Variants in PLCB1 observed in about 807,000 individuals in gnomAD.
The protein encoded by PLCB1 is phospholipase C beta 1, also known as 1-phosphatidylinositol 4,5-bisphosphate phosphodiesterase beta-1.
PLCB1 carries 46 observed loss-of-function variants against 161.8 expected under a neutral mutation model. The ratio of observed to expected loss-of-function variants is 0.28; its 90% CI spans 0.22 to 0.36. The LOEUF (loss-of-function observed/expected upper bound fraction) is 0.36. Among genes scored for constraint, PLCB1 ranks in the 10% least tolerant of loss-of-function variants. The probability of loss-of-function intolerance (pLI) is 1.00; values close to 1 mark genes in which losing one functional copy is unlikely to be tolerated. For missense variants in PLCB1, 1,016 were observed against 1,472.5 expected (o/e 0.69, Z 5.07); for synonymous variants, 517 against 503.7 (o/e 1.03, Z -0.35).
chr20:8,784,562 C>CA (rs5840284), intron 27 of PLCB1, among the ~76,000 whole-genome samples: 57 of 137,588 alleles, frequency 4.1e-4, no homozygotes, highest in African/African-American at 1.3e-3. Context: ...CACTGTATCT[C>CA]AAAAAAAAAA....
chr20:8,595,691 G>A (rs879284505), intron 3 of PLCB1, among the ~76,000 whole-genome samples: 969 of 141,284 alleles, frequency 6.9e-3, no homozygotes, highest in Non-Finnish European at 0.011. Flanking sequence ...CTTCCACAAC[G>A]GTTGAACTAG....
At chr20:8,480,204 C>A (rs1051846154) in intron 3 of PLCB1, among the ~76,000 whole-genome samples, 30 of 152,156 alleles carry the variant, frequency 2.0e-4, no homozygotes, top group African/African-American at 7.2e-4. Context: ...GACTTGGTGC[C>A]TGAGTGGGTG....
intron 31 of PLCB1, among the ~76,000 whole-genome samples, chr20:8,820,947 A>G (rs1985318248): frequency 6.6e-6 from 1 of 152,214 alleles, no homozygotes; most frequent in South Asian, 2.1e-4. Context: ...ATTTTAGTAT[A>G]CAAATATGAT....
At chr20:8,709,602 G>A (rs2123453517) in intron 12 of PLCB1, among the ~76,000 whole-genome samples, 1 of 152,270 alleles carries the variant, frequency 6.6e-6, no homozygotes, top group Middle Eastern at 3.4e-3. Flanking sequence ...CAAGTAATTT[G>A]TAACATGTGC....
chr20:8,324,408 TGTA>T (rs1985059310), intron 2 of PLCB1, among the ~76,000 whole-genome samples: 1 of 152,212 alleles, frequency 6.6e-6, no homozygotes, highest in South Asian at 2.1e-4. Context: ...CAATAGGCTT[TGTA>T]TAGAGAGAGT....
Position 8,132,595 on chromosome 20 carries a change from A to C in PLCB1, c.-57A>C, listed in dbSNP as rs2051302705. 7.7e-6 allele frequency: 9 copies of C among 1,163,042 alleles called. No homozygotes were observed. Among genetic ancestry groups the C allele is most frequent in the Admixed American group, 3.6e-5 (1 of 27,616 alleles). 72.0% of individuals were successfully genotyped at this position (1,163,042 alleles called of 1,614,324 possible). A position where few individuals can be genotyped will look rare whatever the true frequency, so the allele number is the denominator to read the frequency against. On this transcript the variant is annotated 5_prime_UTR_variant, in exon 1 of 32. Transcript: ENST00000338037. The surrounding 1 kb of genome is among the most constrained non-coding windows in gnomAD (Gnocchi z 5.2). ...GCGCCCCGCGCCCCGCGCCCCGCGC[A>C]CGGTCCCCAGTCCCTGCCGCGCTCG...
intron 2 of PLCB1, among the ~76,000 whole-genome samples, chr20:8,193,972 G>A (rs1018920451): frequency 1.3e-5 from 2 of 151,904 alleles, no homozygotes; most frequent in African/African-American, 4.8e-5. Flanking sequence ...AGACATCTTG[G>A]CAATGAGGGG....
Position 8,222,831 on chromosome 20 carries a change from T to C in PLCB1, c.177+72460T>C, listed in dbSNP as rs192419017. Among the ~76,000 whole-genome samples the C allele has an allele frequency of 8.5e-5, 13 of 152,288 alleles. No individual in the cohort carries two copies. In the East Asian group the frequency reaches 2.5e-3, roughly 29 times the overall value. On this transcript the variant is annotated intron_variant, in intron 2 of 31. Transcript: ENST00000338037. ...CAACCTTAATTACATCAGCCTTCTCTGTGAAATAAATTCAATCCTTTATTA... is the reference window on the plus strand; with the variant it reads ...CAACCTTAATTACATCAGCCTTCTCCGTGAAATAAATTCAATCCTTTATTA...
At chr20:8,310,190 A>T (rs1984334523) in intron 2 of PLCB1, among the ~76,000 whole-genome samples, 1 of 152,208 alleles carries the variant, frequency 6.6e-6, no homozygotes, top group South Asian at 2.1e-4. Context: ...AAATTTCCCC[A>T]TCCCTTTGGA....
chr20:8,533,522 C>T (rs1445604279), intron 3 of PLCB1, among the ~76,000 whole-genome samples: 1 of 152,040 alleles, frequency 6.6e-6, no homozygotes, highest in Non-Finnish European at 1.5e-5. Flanking sequence ...CTCTCCAGCA[C>T]CTGTTGTTTC....
chr20:8,805,032 C>T (rs1332371788), intron 31 of PLCB1, among the ~76,000 whole-genome samples: 1 of 140,618 alleles, frequency 7.1e-6, no homozygotes, highest in Non-Finnish European at 1.5e-5. Flanking sequence ...AAAGGAATAG[C>T]ACATAAAGGT....
chr20:8,194,909 T>A (rs555491865), intron 2 of PLCB1, among the ~76,000 whole-genome samples: 6 of 152,020 alleles, frequency 3.9e-5, no homozygotes, highest in African/African-American at 1.4e-4. Flanking sequence ...TAAACCAACT[T>A]TGCTCACTGA....
At chr20:8,567,951 T>C (rs944062686) in intron 3 of PLCB1, among the ~76,000 whole-genome samples, 1 of 152,188 alleles carries the variant, frequency 6.6e-6, no homozygotes, top group Non-Finnish European at 1.5e-5. Flanking sequence ...TCAGATCTCA[T>C]AACCAAATTG....
intron 12 of PLCB1, among the ~76,000 whole-genome samples, chr20:8,714,327 G>C (rs1263301045): frequency 1.3e-5 from 2 of 152,144 alleles, no homozygotes; most frequent in Non-Finnish European, 2.9e-5. Context: ...GAAATGGAGG[G>C]TTTGGCCATT....
At chr20:8,500,268 T>C (rs532327443) in intron 3 of PLCB1, among the ~76,000 whole-genome samples, 11 of 152,334 alleles carry the variant, frequency 7.2e-5, no homozygotes, top group African/African-American at 2.6e-4. Context: ...CTTTAAATTA[T>C]ATTTTATACC....
intron 3 of PLCB1, among the ~76,000 whole-genome samples, chr20:8,502,123 T>G (rs1219860706): frequency 6.6e-6 from 1 of 151,964 alleles, no homozygotes; most frequent in African/African-American, 2.4e-5. Context: ...ATGTATATAA[T>G]GACTATTGCA....
intron 11 of PLCB1, 102 bp downstream of exon 11, chr20:8,697,885 C>A: frequency 4.9e-6 from 5 of 1,024,702 alleles, no homozygotes; most frequent in Non-Finnish European, 7.0e-6. Flanking sequence ...CAATTAAGTC[C>A]AAAGGCTGTT....
chr20:8,243,320 A>G (rs569624689), intron 2 of PLCB1, among the ~76,000 whole-genome samples: 7 of 152,120 alleles, frequency 4.6e-5, no homozygotes, highest in Non-Finnish European at 1.0e-4. Context: ...AAATGCAAAG[A>G]GGAAAAGGTT....
intron 4 of PLCB1, among the ~76,000 whole-genome samples, chr20:8,638,693 C>T (rs956093940): frequency 4.6e-5 from 7 of 152,182 alleles, no homozygotes; most frequent in East Asian, 1.9e-4. Context: ...TCTGTTTCAT[C>T]GATAAATAAT....
Sources: gnomAD v4.1 joint callset for allele counts (sites outside exome capture counted in the v4.1 genomes callset) on GRCh38, gnomAD v4.1.1 for gene constraint, Gnocchi (gnomAD v3.1) non-coding constraint, MANE v1.5 for transcripts, NCBI Gene and HGNC (gene_info 2026-07-23, HGNC 2026-07-21) for gene names.